KAZN: variants seen among roughly 807,000 people sequenced by gnomAD.
KAZN encodes kazrin.
KAZN carries 40 observed loss-of-function variants against 87.4 expected under a neutral mutation model. The observed-to-expected ratio is 0.46, with a 90% CI of 0.36 to 0.60. The LOEUF (loss-of-function observed/expected upper bound fraction) is 0.60, where lower values mean the gene tolerates loss of function less well. Ranked by LOEUF, KAZN falls within the 20% of genes least tolerant of loss-of-function variation. KAZN has a pLI of 0.00. For missense variants in KAZN, 898 were observed against 1,073.9 expected, an observed-to-expected ratio of 0.84 and a Z score of 2.29; for synonymous variants, 466 against 458.3, an observed-to-expected ratio of 1.02 and a Z score of -0.22.
intron 1 of KAZN, among the ~76,000 whole-genome samples, chr1:14,830,053 G>T (rs1647010286): frequency 6.6e-6 from 1 of 152,178 alleles, no homozygotes; most frequent in African/African-American, 2.4e-5. Context: ...TGGGGAAAAT[G>T]GTTTAATAAT....
intron 2 of KAZN, among the ~76,000 whole-genome samples, chr1:14,557,672 TGAGAGA>T (rs57818821): frequency 1.7e-4 from 23 of 136,954 alleles, no homozygotes; most frequent in African/African-American, 5.6e-4. Flanking sequence ...GTGTGGTGTG[TGAGAGA>T]GAGAGAGAGA....
intron 1 of KAZN, among the ~76,000 whole-genome samples, chr1:13,930,069 T>G (rs1259690231): frequency 1.3e-5 from 2 of 152,206 alleles, no homozygotes; most frequent in Non-Finnish European, 2.9e-5. Context: ...GTATATTATA[T>G]AGCCACACTG....
chr1:15,063,299 G>A, intron 6 of KAZN: 3 of 504,564 alleles, frequency 5.9e-6, no homozygotes, highest in Non-Finnish European at 7.1e-6. Context: ...GCCCTGGAGT[G>A]GCTAATTTGT....
chr1:15,018,644 G>A (rs943913898), intron 2 of KAZN, among the ~76,000 whole-genome samples: 22 of 151,534 alleles, frequency 1.5e-4, no homozygotes, highest in Admixed American at 9.2e-4. Flanking sequence ...AAATTAGGAA[G>A]TAGTTGTGGG....
chr1:14,117,343 C>T (rs1318722823), intron 1 of KAZN, among the ~76,000 whole-genome samples: 3 of 152,108 alleles, frequency 2.0e-5, no homozygotes, highest in African/African-American at 7.2e-5. Flanking sequence ...GAATAAGTCT[C>T]ATGGGAACTG....
At chr1:13,945,342 C>T (rs1641095601) in intron 1 of KAZN, among the ~76,000 whole-genome samples, 1 of 151,948 alleles carries the variant, frequency 6.6e-6, no homozygotes, top group Non-Finnish European at 1.5e-5. Flanking sequence ...GGAATGGTGG[C>T]CCATGCCTGT....
At chr1:15,019,027 T>C (rs1043549687) in intron 2 of KAZN, among the ~76,000 whole-genome samples, 1 of 152,180 alleles carries the variant, frequency 6.6e-6, no homozygotes, top group Non-Finnish European at 1.5e-5. Context: ...AGGACCTGAA[T>C]CCTTAGTGAC....
chr1:13,920,484 C>T (rs1640024236), intron 1 of KAZN, among the ~76,000 whole-genome samples: 2 of 152,138 alleles, frequency 1.3e-5, no homozygotes, highest in Non-Finnish European at 2.9e-5. Context: ...TTGGCAGGCT[C>T]ACCAGGTGTA....
rs190851544 is a variant in KAZN, at chr1:14,631,500, G to C, written c.226+32277G>C. ...GAAAGAGATGGCACTGCTGGTGAGT[G>C]GTGGTGTAGAGACGCAGGCCAGGCC... On this transcript the variant is annotated intron_variant, in intron 1 of 14. Transcript: ENST00000376030. Among the ~76,000 whole-genome samples the C allele has an allele frequency of 1.6e-4, 24 of 152,316 alleles. 1 individual carries two copies. In the East Asian group the frequency reaches 4.6e-3, roughly 29 times the overall value.
At position 14,034,287 on chromosome 1, in the gene KAZN, G is replaced by GT. The variant is rs112708653; in HGVS notation, c.91+140541dup. Reference sequence around the variant, plus strand: ...TACAAGCTGGTGTTTCCTTTTAGCTGTTTTTTTTTTCTGTGCCTTTGCAAA... The same window carrying GT: ...TACAAGCTGGTGTTTCCTTTTAGCTGTTTTTTTTTTTCTGTGCCTTTGCAAA... On this transcript the variant is annotated intron_variant, in intron 1 of 16. Coordinates refer to the KAZN transcript ENST00000636203. 5.3e-4 allele frequency among the ~76,000 whole-genome samples: 78 copies of GT among 146,734 alleles called. 2 individuals are homozygous for GT. Among genetic ancestry groups the GT allele is most frequent in the South Asian group, 8.5e-4 (4 of 4,688 alleles).
At chr1:14,758,947 G>A (rs1402734862) in intron 1 of KAZN, among the ~76,000 whole-genome samples, 1 of 152,060 alleles carries the variant, frequency 6.6e-6, no homozygotes, top group Non-Finnish European at 1.5e-5. Context: ...AAGTAAGAGA[G>A]CTGGAGAAAG....
chr1:14,714,245 T>C (rs918625044), intron 1 of KAZN, among the ~76,000 whole-genome samples: 5 of 152,182 alleles, frequency 3.3e-5, no homozygotes, highest in African/African-American at 9.7e-5. Flanking sequence ...GCCTGGATCC[T>C]TGATGGACAA....
chr1:14,321,742 C>G (rs1370998978), intron 2 of KAZN, among the ~76,000 whole-genome samples: 1 of 152,160 alleles, frequency 6.6e-6, no homozygotes, highest in Admixed American at 6.5e-5. Context: ...CAATATTTTT[C>G]TATGATTAAT....
rs1658766032 is a variant in KAZN at position 14,923,330 on chromosome 1, T to C, written c.227-37354T>C. Among the ~76,000 whole-genome samples the C allele has an allele frequency of 6.6e-6, 1 of 152,234 alleles. No individual in the cohort carries two copies. The highest frequency in any genetic ancestry group is 2.4e-5 in the African/African-American group (1 of 41,468). On this transcript the variant is annotated intron_variant, in intron 1 of 14. Coordinates refer to ENST00000376030, the MANE Select transcript of KAZN (RefSeq NM_201628.3). The surrounding 1 kb of genome is among the most constrained non-coding windows in gnomAD (Gnocchi z 4.2). ...CCCCAGATCAAAGGGGGCTCAGAGC[T>C]GCACACTTACTTCACAGGAGCACTG...
chr1:15,110,067 CTGTGTG>C (rs55700756), intron 13 of KAZN, among the ~76,000 whole-genome samples: 9 of 150,734 alleles, frequency 6.0e-5, no homozygotes, highest in East Asian at 2.0e-4. Context: ...GTGTGTGTGC[CTGTGTG>C]TGTATGTGTG....
At chr1:14,395,278 ATGT>A (rs1037373273) in intron 2 of KAZN, among the ~76,000 whole-genome samples, 1 of 152,218 alleles carries the variant, frequency 6.6e-6, no homozygotes, top group African/African-American at 2.4e-5. Context: ...GTCTGTGTTG[ATGT>A]TGTCACTGTT....
chr1:14,555,148 C>T (rs919625010), intron 2 of KAZN, among the ~76,000 whole-genome samples: 4 of 152,224 alleles, frequency 2.6e-5, no homozygotes, highest in South Asian at 2.1e-4. Flanking sequence ...GGAAGTCCCC[C>T]TTCCAAATAG....
At chr1:14,917,510 A>C (rs2101451848) in intron 1 of KAZN, among the ~76,000 whole-genome samples, 1 of 152,260 alleles carries the variant, frequency 6.6e-6, no homozygotes, top group South Asian at 2.1e-4. Flanking sequence ...GGAATGTTTC[A>C]CTAGCCCAGT....
intron 3 of KAZN, among the ~76,000 whole-genome samples, chr1:15,040,411 G>T (rs2100293348): frequency 6.6e-6 from 1 of 152,310 alleles, no homozygotes; most frequent in South Asian, 2.1e-4. Flanking sequence ...TGAGCTACTG[G>T]GAGTCGGGGG....
Sources: gnomAD v4.1 joint callset for allele counts (sites outside exome capture counted in the v4.1 genomes callset) on GRCh38, gnomAD v4.1.1 for gene constraint, Gnocchi (gnomAD v3.1) non-coding constraint, MANE v1.5 for transcripts, NCBI Gene and HGNC (gene_info 2026-07-23, HGNC 2026-07-21) for gene names.